TBCD: variants seen among roughly 807,000 people sequenced by gnomAD.
The protein encoded by TBCD is tubulin folding cofactor D.
TBCD carries 105 observed loss-of-function variants against 169.3 expected under a neutral mutation model. That is an observed-to-expected ratio of 0.62 (90% confidence interval 0.53 to 0.73). TBCD has a LOEUF of 0.73. Among genes scored for constraint, TBCD ranks in the 30% least tolerant of loss-of-function variants. The pLI is 0.00. For synonymous variants in TBCD, 700 were observed against 643.9 expected, an observed-to-expected ratio of 1.09 and a Z score of -1.32; for missense variants, 1,444 against 1,600.1, an observed-to-expected ratio of 0.90 and a Z score of 1.66.
chr17:82,937,703 C>T (rs990856588), intron 35 of TBCD: 8 of 662,562 alleles, frequency 1.2e-5, no homozygotes, highest in South Asian at 4.1e-5. Flanking sequence ...CCTTGCTCTG[C>T]GGCGCTCAGG....
At chr17:82,912,133 G>C (rs1005877903) in intron 23 of TBCD, among the ~76,000 whole-genome samples, 1 of 151,764 alleles carries the variant, frequency 6.6e-6, no homozygotes, top group African/African-American at 2.4e-5. Context: ...ATCCCTCCGA[G>C]CACGGCCCCA....
chr17:82,766,791 A>C (rs2048038120), intron 4 of TBCD, among the ~76,000 whole-genome samples: 1 of 152,208 alleles, frequency 6.6e-6, no homozygotes, highest in African/African-American at 2.4e-5. Context: ...AGCAAAGGGA[A>C]AAGGCACATG....
intron 24 of TBCD, chr17:82,921,069 CG>C: frequency 3.9e-6 from 1 of 253,182 alleles, no homozygotes; most frequent in Non-Finnish European, 7.5e-6. Context: ...TGTGGTGTCC[CG>C]GGGCTGTCTC....
chr17:82,761,390 A>T (rs534832620), intron 2 of TBCD, among the ~76,000 whole-genome samples: 2 of 152,336 alleles, frequency 1.3e-5, no homozygotes, highest in East Asian at 3.9e-4. Flanking sequence ...TATTGAGTTT[A>T]AAATTTACCT....
intron 20 of TBCD, 121 bp from the exon 21 acceptor site, chr17:82,907,640 A>G (rs535833109): frequency 3.0e-5 from 32 of 1,064,654 alleles, no homozygotes; most frequent in South Asian, 1.5e-4. Context: ...TGCTGAGCCT[A>G]TGCTCCTCCG....
chr17:82,839,221 A>G (rs1211950983), intron 13 of TBCD, among the ~76,000 whole-genome samples: 1 of 152,248 alleles, frequency 6.6e-6, no homozygotes, highest in Non-Finnish European at 1.5e-5. Context: ...CACCACAAAC[A>G]TATAACCCTA....
chr17:82,784,712 G>T (rs1250404518), intron 7 of TBCD, among the ~76,000 whole-genome samples: 1 of 152,170 alleles, frequency 6.6e-6, no homozygotes, highest in African/African-American at 2.4e-5. Flanking sequence ...GTGATGCTGG[G>T]TGTACAGACA....
At chr17:82,935,755 G>T (rs1568093185) in intron 34 of TBCD, among the ~76,000 whole-genome samples, 1 of 152,152 alleles carries the variant, frequency 6.6e-6, no homozygotes, top group Non-Finnish European at 1.5e-5. Context: ...GTACTTTCCT[G>T]TTCATTGTGG....
In TBCD at chr17:82,923,829, G is replaced by A; in HGVS notation, c.2260+96G>A. The stretch of plus-strand genomic sequence containing the variant: ...ACGGAGGAGGCCTCGGTTGTGCAGT[G>A]GAGCAGAGCCACCACGATCATGGCT... On this transcript the variant is annotated intron_variant, in intron 26 of 38. Coordinates refer to ENST00000355528, the MANE Select transcript of TBCD (RefSeq NM_005993.5). The surrounding 1 kb of genome is among the most constrained non-coding windows in gnomAD (Gnocchi z 4.6). The A allele has an allele frequency of 1.0e-6, 1 of 981,606 alleles. No homozygotes were observed. Among genetic ancestry groups the A allele is most frequent in the South Asian group, 1.6e-5 (1 of 62,334 alleles). The allele number at this position is 981,606 out of a possible 1,614,324, so 60.8% of individuals were successfully genotyped here.
At chr17:82,810,448 A>G (rs1284577911) in intron 12 of TBCD, among the ~76,000 whole-genome samples, 1 of 152,200 alleles carries the variant, frequency 6.6e-6, no homozygotes, top group African/African-American at 2.4e-5. Flanking sequence ...GTCTCAGAAC[A>G]AAACTGAGTG....
Position 82,932,714 on chromosome 17 carries a change from A to T in TBCD, c.3170A>T (p.Asp1057Val). The change falls in exon 34 of 39, where the codon GAC (aspartate) becomes GTC (valine). Residue 1057 changes from aspartate to valine, a missense_variant. Asp to Val is a radical substitution (Grantham distance 152, BLOSUM62 -3). Coordinates refer to ENST00000355528, the MANE Select transcript of TBCD (RefSeq NM_005993.5). ...CACGTGCTCACCCACGGCTGCTTCG[A>T]CATCTTCACCACGGAGGAGGAGTGA... ...LDHVLTHGCF[D>V]IFTTEEDHPF... is the part of the protein sequence containing the mutation. 1 of 1,613,928 alleles carries T rather than the reference A, an allele frequency of 6.2e-7. No individual in the cohort carries two copies. Among genetic ancestry groups the T allele is most frequent in the Non-Finnish European group, 8.5e-7 (1 of 1,179,898 alleles).
At position 82,782,767 on chromosome 17, in the gene TBCD, A is replaced by ATCCGCGGCGTTGTCTTCCTG. The variant is rs2049033186; in HGVS notation, c.771+1049_771+1068dup. Among the ~76,000 whole-genome samples, 2 of 139,750 alleles carry ATCCGCGGCGTTGTCTTCCTG rather than the reference A, an allele frequency of 1.4e-5. No homozygotes were observed. Among genetic ancestry groups the ATCCGCGGCGTTGTCTTCCTG allele is most frequent in the Non-Finnish European group, 3.0e-5 (2 of 65,892 alleles). 91.7% of individuals were successfully genotyped at this position (139,750 alleles called of 152,430 possible). ...TTCCTATCCGCGGCATTGTCTTCCT[A>ATCCGCGGCGTTGTCTTCCTG]TCCGCGGCGTTGTCTTCCTGTCTGT... On this transcript the variant is annotated intron_variant, in intron 7 of 38. Transcript: ENST00000355528. The surrounding 1 kb of genome is among the most constrained non-coding windows in gnomAD (Gnocchi z 5.1).
intron 17 of TBCD, chr17:82,896,101 C>A (rs1397410568): frequency 1.3e-5 from 2 of 152,340 alleles, no homozygotes; most frequent in African/African-American, 2.4e-5. Context: ...CCTCCCACAC[C>A]CCCTTCTTCA....
chr17:82,937,608 G>A, intron 35 of TBCD: 1 of 593,260 alleles, frequency 1.7e-6, no homozygotes, highest in South Asian at 2.1e-5. Flanking sequence ...CTGCCCTGGC[G>A]GGAGGGGAGG....
At position 82,860,590 on chromosome 17, in the gene TBCD, G is replaced by A. The variant is rs544283724; in HGVS notation, c.1319-9634G>A. 1.0e-5 allele frequency: 3 copies of A among 293,848 alleles called. No homozygotes were observed. In the South Asian group the frequency reaches 4.0e-4, roughly 40 times the overall value. 18.2% of individuals were successfully genotyped at this position (293,848 alleles called of 1,614,324 possible). A position where few individuals can be genotyped will look rare whatever the true frequency, so the allele number is the denominator to read the frequency against. On this transcript the variant is annotated intron_variant, in intron 13 of 38. Coordinates refer to ENST00000355528, the MANE Select transcript of TBCD (RefSeq NM_005993.5). ...GGAGGGCTGGCCACACTGGAATCCAGTGCCCACTGTGACAGTGGAGAGCCA... is the reference window on the plus strand; with the variant it reads ...GGAGGGCTGGCCACACTGGAATCCAATGCCCACTGTGACAGTGGAGAGCCA...
At chr17:82,811,183 C>T (rs774209582) in intron 12 of TBCD, among the ~76,000 whole-genome samples, 3 of 152,200 alleles carry the variant, frequency 2.0e-5, no homozygotes, top group Admixed American at 6.5e-5. Flanking sequence ...CTCCTGTCGC[C>T]TGGTGCCACC....
In TBCD at chr17:82,938,042, C is replaced by T. The variant is rs903128942; in HGVS notation, c.3282-7C>T. 1.2e-6 allele frequency: 2 copies of T among 1,612,948 alleles called. No individual in the cohort carries two copies. Among genetic ancestry groups the T allele is most frequent in the Admixed American group, 1.7e-5 (1 of 60,012 alleles). On this transcript the variant is annotated splice_polypyrimidine_tract_variant and splice_region_variant and intron_variant, in intron 35 of 38. Coordinates refer to ENST00000355528, the MANE Select transcript of TBCD (RefSeq NM_005993.5). ...GCTCACCTGGAGCCATGTGCTGCTC[C>T]CGGCAGGTTCTGCGAGATGGTGCAG...
At chr17:82,797,644 G>A in intron 7 of TBCD, 113 bp from the exon 8 acceptor site, 1 of 758,940 alleles carries the variant, frequency 1.3e-6, no homozygotes, top group Non-Finnish European at 2.1e-6. Context: ...TAGGTGGTGA[G>A]TGTTTAGAAT....
Position 82,800,959 on chromosome 17 carries a change from G to T in TBCD, c.913G>T (p.Gly305Trp). The change falls in exon 9 of 39, where the codon GGG (glycine) becomes TGG (tryptophan). Residue 305 changes from glycine (G) to tryptophan (W), a missense_variant. Coordinates refer to ENST00000355528, the MANE Select transcript of TBCD (RefSeq NM_005993.5). Reference protein sequence around the residue: ...KLGVKLVQRLGLTFLKPKVAA... With the variant: ...KLGVKLVQRLWLTFLKPKVAA... ...GGGGGTGAAGCTTGTGCAGCGACTG[G>T]GGCTGACATTCCTGAAGCCGAAGGT... 6.2e-7 allele frequency: 1 copy of T among 1,611,960 alleles called. No individual in the cohort carries two copies. Among genetic ancestry groups the T allele is most frequent in the Non-Finnish European group, 8.5e-7 (1 of 1,179,330 alleles).
Sources: allele counts gnomAD v4.1 joint callset (sites outside exome capture counted in the v4.1 genomes callset), GRCh38; gene constraint gnomAD v4.1.1; non-coding constraint Gnocchi (gnomAD v3.1); transcripts MANE v1.5; gene names NCBI Gene and HGNC (gene_info 2026-07-23, HGNC 2026-07-21).